TRIM32: variants seen among roughly 807,000 people sequenced by gnomAD.
TRIM32 encodes tripartite motif containing 32.
A neutral mutation model predicts 36.0 loss-of-function variants in TRIM32; 19 were observed. That is an observed-to-expected ratio of 0.53 (90% CI 0.37 to 0.77). The LOEUF is 0.77. Among genes scored for constraint, TRIM32 ranks in the 30% least tolerant of loss-of-function variants. The pLI, the probability that TRIM32 is intolerant of heterozygous loss-of-function variation, is 0.00. For missense variants in TRIM32, 747 were observed against 845.2 expected, an observed-to-expected ratio of 0.88 and a Z score of 1.44; for synonymous variants, 309 against 318.5, an observed-to-expected ratio of 0.97 and a Z score of 0.32.
chr9:116,697,663 A>C lies in TRIM32; in HGVS notation c.-80A>C. On this transcript the variant is annotated splice_region_variant and 5_prime_UTR_variant, in exon 2 of 2. Coordinates refer to ENST00000450136, the MANE Select transcript of TRIM32 (RefSeq NM_012210.4). The stretch of plus-strand genomic sequence containing the variant: ...ATAATGGTTTCTTTTTCTCTTTAGC[A>C]GGAATTTGACCCTCTAGGGCATGAA... 6.4e-7 allele frequency: 1 copy of C among 1,566,390 alleles called. No individual in the cohort carries two copies. The highest frequency in any genetic ancestry group is 1.1e-5 in the South Asian group (1 of 88,550).
In TRIM32 at chr9:116,699,125, C is replaced by T. The variant is rs200244154; in HGVS notation, c.1383C>T (p.Cys461=). 43 of 1,614,162 alleles carry T rather than the reference C, an allele frequency of 2.7e-5. No homozygotes were observed. The highest frequency in any genetic ancestry group is 6.7e-5 in the East Asian group (3 of 44,882). The change falls in exon 2 of 2, where the codon TGC becomes TGT. Residue 461 remains cysteine (C), a synonymous_variant. Transcript: ENST00000450136. This position sits in a 1 kb window ranked among gnomAD's most constrained non-coding sequence, Gnocchi z 4.2. Reference sequence around the variant, plus strand: ...AGGTATATACCTTGGATGGCCACTGCGTGGCCTGTCACAGGAGCCAGCTGA... The same window carrying T: ...AGGTATATACCTTGGATGGCCACTGTGTGGCCTGTCACAGGAGCCAGCTGA... ...SLKVYTLDGH[C]VACHRSQLSK...
Position 116,701,080 on chromosome 9 carries a change from T to G in TRIM32, c.*1376T>G, listed in dbSNP as rs1222015449. Reference sequence around the variant, plus strand: ...GATCAGAAGTGGGTGAGAGGACCTGTGATGAGGTTCCTGAGGGTTTGGTGT... The same window carrying G: ...GATCAGAAGTGGGTGAGAGGACCTGGGATGAGGTTCCTGAGGGTTTGGTGT... On this transcript the variant is annotated 3_prime_UTR_variant, in exon 2 of 2. Coordinates refer to ENST00000450136, the MANE Select transcript of TRIM32 (RefSeq NM_012210.4). The G allele has an allele frequency of 6.0e-6, 1 of 167,094 alleles. No homozygotes were observed. The highest frequency in any genetic ancestry group is 1.9e-4 in the East Asian group (1 of 5,198). 10.4% of individuals were successfully genotyped at this position (167,094 alleles called of 1,614,324 possible). A position where few individuals can be genotyped will look rare whatever the true frequency, so the allele number is the denominator to read the frequency against.
intron 1 of TRIM32, among the ~76,000 whole-genome samples, chr9:116,697,152 T>C (rs889564633): frequency 6.6e-6 from 1 of 152,206 alleles, no homozygotes; most frequent in Non-Finnish European, 1.5e-5. Flanking sequence ...TTGCATGTTA[T>C]ACTTATTCCT....
rs776504480 is a variant in TRIM32, at chr9:116,699,512, C to A, written c.1770C>A (p.Ile590=). ...GMCVDARGDL[I]VADSSRKEIL... is the part of the protein sequence containing the mutation. ...GTGTGGATGCTCGTGGTGATCTCAT[C>A]GTGGCTGACAGTAGTCGCAAGGAAA... is the stretch of plus-strand genomic sequence containing the variant. The change falls in exon 2 of 2, where the codon ATC becomes ATA. Residue 590 remains isoleucine, a synonymous_variant. Transcript: ENST00000450136. The surrounding 1 kb of genome is among the most constrained non-coding windows in gnomAD (Gnocchi z 4.2). 1 of 1,614,044 alleles carries A rather than the reference C, an allele frequency of 6.2e-7. No homozygotes were observed. The highest frequency in any genetic ancestry group is 8.5e-7 in the Non-Finnish European group (1 of 1,180,048).
chr9:116,691,720 C>T (rs1860576959), intron 1 of TRIM32, among the ~76,000 whole-genome samples: 1 of 152,178 alleles, frequency 6.6e-6, no homozygotes, highest in African/African-American at 2.4e-5. Flanking sequence ...TCCTCTCCCA[C>T]ACACAGGAGT....
intron 1 of TRIM32, among the ~76,000 whole-genome samples, chr9:116,692,206 G>C (rs973168138): frequency 6.6e-6 from 1 of 152,186 alleles, no homozygotes; most frequent in Non-Finnish European, 1.5e-5. Flanking sequence ...TCAAGCATTA[G>C]GTGAAGATTT....
chr9:116,689,665 A>G (rs1860463414), intron 1 of TRIM32, among the ~76,000 whole-genome samples: 1 of 152,164 alleles, frequency 6.6e-6, no homozygotes, highest in Admixed American at 6.5e-5. Context: ...CCTCTAATGA[A>G]AAAGAGGATT....
At chr9:116,689,498 GAGGAAACTAAGGCTT>G (rs1860455990) in intron 1 of TRIM32, among the ~76,000 whole-genome samples, 1 of 152,100 alleles carries the variant, frequency 6.6e-6, no homozygotes, top group African/African-American at 2.4e-5. Context: ...TTTTACACAT[GAGGAAACTAAGGCTT>G]AGGAAGTGAC....
rs140059042 is a variant in TRIM32, at chr9:116,698,940, C to A, written c.1198C>A (p.Arg400Ser). 1 of 1,614,168 alleles carries A rather than the reference C, an allele frequency of 6.2e-7. No homozygotes were observed. Among genetic ancestry groups the A allele is most frequent in the Admixed American group, 1.7e-5 (1 of 60,030 alleles). ...RGNYRIQVFTRKGFLKEIRRS... is the reference protein window; with the variant it reads ...RGNYRIQVFTSKGFLKEIRRS... ...TAACTATCGTATACAAGTCTTTACC[C>A]GCAAAGGCTTTTTGAAGGAAATCCG... Residue 400 changes from arginine (R) to serine (S), a missense_variant, in exon 2 of 2, where the codon CGC (arginine) becomes AGC (serine). Transcript: ENST00000450136. This position sits in a 1 kb window ranked among gnomAD's most constrained non-coding sequence, Gnocchi z 4.4.
At chr9:116,696,950 TAA>T (rs11400163) in intron 1 of TRIM32, among the ~76,000 whole-genome samples, 110 of 137,078 alleles carry the variant, frequency 8.0e-4, no homozygotes, top group Middle Eastern at 3.7e-3. Context: ...GTGACATGAT[TAA>T]AAAAAAAAAA....
intron 1 of TRIM32, among the ~76,000 whole-genome samples, chr9:116,688,211 C>T (rs1004216586): frequency 6.6e-6 from 1 of 151,746 alleles, no homozygotes; most frequent in Non-Finnish European, 1.5e-5. Flanking sequence ...GAGGAATTGA[C>T]GAGGGTTGCA....
intron 1 of TRIM32, among the ~76,000 whole-genome samples, chr9:116,693,609 G>T (rs1860684360): frequency 6.6e-6 from 1 of 152,074 alleles, no homozygotes; most frequent in Non-Finnish European, 1.5e-5. Context: ...TGTTAGATGA[G>T]GTGGGAGGTC....
At position 116,698,283 on chromosome 9, in the gene TRIM32, T is replaced by A. The variant is rs1267356073; in HGVS notation, c.541T>A (p.Tyr181Asn). 10 of 1,613,854 alleles carry A rather than the reference T, an allele frequency of 6.2e-6. No homozygotes were observed. The highest frequency in any genetic ancestry group is 8.5e-6 in the Non-Finnish European group (10 of 1,179,978). The change falls in exon 2 of 2, where the codon TAT becomes AAT. Residue 181 changes from tyrosine (Y) to asparagine (N), a missense_variant. Coordinates refer to ENST00000450136, the MANE Select transcript of TRIM32 (RefSeq NM_012210.4). The surrounding 1 kb of genome is among the most constrained non-coding windows in gnomAD (Gnocchi z 4.4). ...EGVSKDLQAR[Y>N]KAVLQEYGHE... Reference sequence around the variant, plus strand: ...TGTCTCCAAGGACCTTCAGGCAAGGTATAAAGCAGTTCTCCAGGAGTATGG... The same window carrying A: ...TGTCTCCAAGGACCTTCAGGCAAGGAATAAAGCAGTTCTCCAGGAGTATGG...
intron 1 of TRIM32, among the ~76,000 whole-genome samples, chr9:116,695,699 T>C (rs1480462742): frequency 6.6e-6 from 1 of 152,190 alleles, no homozygotes; most frequent in Non-Finnish European, 1.5e-5. Flanking sequence ...CTTTATCATA[T>C]GCCTCAACTT....
chr9:116,698,129 G>C lies in TRIM32; in HGVS notation c.387G>C (p.Gln129His). The C allele has an allele frequency of 6.2e-7, 1 of 1,614,142 alleles. No individual in the cohort carries two copies. Among genetic ancestry groups the C allele is most frequent in the Non-Finnish European group, 8.5e-7 (1 of 1,180,028 alleles). Residue 129 changes from glutamine to histidine, a missense_variant, in exon 2 of 2, where the codon CAG (glutamine) becomes CAC (histidine). Transcript: ENST00000450136. This position sits in a 1 kb window ranked among gnomAD's most constrained non-coding sequence, Gnocchi z 4.4. Reference sequence around the variant, plus strand: ...AGCCCTGCCGGGAGGCAGACCATCAGCCTCCTGGCCACTGTACACTCCCTG... The same window carrying C: ...AGCCCTGCCGGGAGGCAGACCATCACCCTCCTGGCCACTGTACACTCCCTG... ...LCEPCREADH[Q>H]PPGHCTLPVK... is the part of the protein sequence containing the mutation.
rs949676211 is a variant in TRIM32 at position 116,701,107 on chromosome 9, T to G, written c.*1403T>G. 4 of 167,100 alleles carry G rather than the reference T, an allele frequency of 2.4e-5. No individual in the cohort carries two copies. Among genetic ancestry groups the G allele is most frequent in the Admixed American group, 1.3e-4 (2 of 15,284 alleles). The allele number at this position is 167,100 out of a possible 1,614,324, so 10.4% of individuals were successfully genotyped here. On this transcript the variant is annotated 3_prime_UTR_variant, in exon 2 of 2. Coordinates refer to ENST00000450136, the MANE Select transcript of TRIM32 (RefSeq NM_012210.4). ...ATGAGGTTCCTGAGGGTTTGGTGTT[T>G]ACTAAGTAATATATCTTACTCTAGG...
In TRIM32 at chr9:116,696,979, T is replaced by C. The variant is rs372594074; in HGVS notation, c.-81-683T>C. Among the ~76,000 whole-genome samples the C allele has an allele frequency of 7.2e-5, 11 of 151,908 alleles. No individual in the cohort carries two copies. In the East Asian group the frequency reaches 2.1e-3, roughly 29 times the overall value. ...AAAAAAAAAAAAAGCCTCCACACTT[T>C]TGCTTACATGGTTTTCTTTGCTTAA... On this transcript the variant is annotated intron_variant, in intron 1 of 1. Coordinates refer to ENST00000450136, the MANE Select transcript of TRIM32 (RefSeq NM_012210.4).
chr9:116,694,949 G>A (rs1860768867), intron 1 of TRIM32, among the ~76,000 whole-genome samples: 1 of 152,138 alleles, frequency 6.6e-6, no homozygotes, highest in Non-Finnish European at 1.5e-5. Flanking sequence ...CTTGCTGTGT[G>A]AGAGTAGGTC....
intron 1 of TRIM32, among the ~76,000 whole-genome samples, chr9:116,691,374 G>A (rs1414464408): frequency 6.6e-6 from 1 of 152,144 alleles, no homozygotes; most frequent in Non-Finnish European, 1.5e-5. Flanking sequence ...TACTGGCAGC[G>A]TAGGTACTAC....
Sources: gnomAD v4.1 joint callset for allele counts (sites outside exome capture counted in the v4.1 genomes callset) on GRCh38, gnomAD v4.1.1 for gene constraint, Gnocchi (gnomAD v3.1) non-coding constraint, MANE v1.5 for transcripts, NCBI Gene and HGNC (gene_info 2026-07-23, HGNC 2026-07-21) for gene names.